Variants in DLG4 observed in about 807,000 individuals in gnomAD.
DLG4 encodes the protein discs large MAGUK scaffold protein 4.
In DLG4, 7 loss-of-function variants were observed where a neutral mutation model predicts 93.8. The ratio of observed to expected loss-of-function variants is 0.07; its 90% CI spans 0.04 to 0.14. The LOEUF (loss-of-function observed/expected upper bound fraction) is 0.14. Among genes scored for constraint, DLG4 ranks in the 10% least tolerant of loss-of-function variants. The pLI, the probability that DLG4 is intolerant of heterozygous loss-of-function variation, is 1.00. For synonymous variants in DLG4, 341 were observed against 387.6 expected (o/e 0.88, Z 1.41); for missense variants, 545 against 992.9 (o/e 0.55, Z 6.06).
chr17:7,188,868 G>T lies in DLG4; in HGVS notation c.*1840C>A, dbSNP rs1234260719. Among the ~76,000 whole-genome samples the T allele has an allele frequency of 2.0e-5, 3 of 151,998 alleles. No individual in the cohort carries two copies. The highest frequency in any genetic ancestry group is 4.4e-5 in the Non-Finnish European group (3 of 67,994). On this transcript the variant is annotated 3_prime_UTR_variant, in exon 20 of 20. Transcript: ENST00000399506. ...GGCTCATGCCTGTAATCTTAACACT[G>T]TGGGAGGCCAAGCTGGGCGGATCAC...
chr17:7,200,007 AAAAG>A (rs904213992), intron 8 of DLG4, among the ~76,000 whole-genome samples: 1 of 151,982 alleles, frequency 6.6e-6, no homozygotes. Flanking sequence ...AAAAGAAAAA[AAAAG>A]ATTTTAAATT....
At chr17:7,204,826 TC>T in intron 2 of DLG4, 1 of 498,572 alleles carries the variant, frequency 2.0e-6, no homozygotes, top group Non-Finnish European at 2.6e-6. Context: ...AATCCGGGGT[TC>T]CCCAGCTGCA....
Position 7,217,258 on chromosome 17 carries a change from G to A in DLG4, c.-111C>T, listed in dbSNP as rs1193847378. The stretch of plus-strand genomic sequence containing the variant: ...CCCCCTCCGCACCCCACTTTTGCAG[G>A]GGGGGCCAGGATGGGGGGAGGGGTG... On this transcript the variant is annotated 5_prime_UTR_variant, in exon 1 of 20. Transcript: ENST00000399506. 8.0e-7 allele frequency: 1 copy of A among 1,253,514 alleles called. No individual in the cohort carries two copies. Among genetic ancestry groups the A allele is most frequent in the Non-Finnish European group, 1.0e-6 (1 of 990,538 alleles). 77.6% of individuals were successfully genotyped at this position (1,253,514 alleles called of 1,614,324 possible).
At position 7,197,058 on chromosome 17, in the gene DLG4, G is replaced by A. The variant is rs1404784285; in HGVS notation, c.788-6C>T. The A allele has an allele frequency of 6.2e-7, 1 of 1,601,960 alleles. No homozygotes were observed. The highest frequency in any genetic ancestry group is 8.5e-7 in the Non-Finnish European group (1 of 1,172,296). On this transcript the variant is annotated splice_polypyrimidine_tract_variant and splice_region_variant and intron_variant, in intron 8 of 19. Transcript: ENST00000399506. ...GTCCAGGTGCTGGGAATAAGCTGAG[G>A]AAGACAGGGCAGAGATGAAAGTGCC...
At position 7,196,352 on chromosome 17, in the gene DLG4, G is replaced by A. The variant is rs372176516; in HGVS notation, c.1187-18C>T. 1 of 1,612,924 alleles carries A rather than the reference G, an allele frequency of 6.2e-7. No homozygotes were observed. Among genetic ancestry groups the A allele is most frequent in the Non-Finnish European group, 8.5e-7 (1 of 1,178,926 alleles). The stretch of plus-strand genomic sequence containing the variant: ...GCTGTACTCTGAGGAAGGACAGGGA[G>A]GTTTCTGAGCTCTGTCCCCATCCTA... On this transcript the variant is annotated intron_variant, in intron 10 of 19. Transcript: ENST00000399506. The surrounding 1 kb of genome is among the most constrained non-coding windows in gnomAD (Gnocchi z 8.3).
chr17:7,202,053 C>T (rs556606569), intron 8 of DLG4, among the ~76,000 whole-genome samples: 40 of 152,272 alleles, frequency 2.6e-4, no homozygotes, highest in African/African-American at 9.6e-4. Flanking sequence ...TGGTGAATTT[C>T]ACCAAATGCC....
intron 8 of DLG4, among the ~76,000 whole-genome samples, chr17:7,201,595 C>T (rs184246936): frequency 2.1e-4 from 32 of 152,176 alleles, no homozygotes; most frequent in African/African-American, 7.7e-4. Context: ...TGTAAGTTAA[C>T]GGAGGCCGGG....
intron 8 of DLG4, among the ~76,000 whole-genome samples, chr17:7,198,607 T>C (rs530256790): frequency 2.7e-5 from 4 of 150,766 alleles, no homozygotes; most frequent in African/African-American, 7.3e-5. Context: ...CCCAGCACTT[T>C]GGGAGGCCGA....
intron 1 of DLG4, among the ~76,000 whole-genome samples, chr17:7,216,395 G>C (rs901936156): frequency 6.6e-6 from 1 of 152,106 alleles, no homozygotes; most frequent in African/African-American, 2.4e-5. Context: ...TCAGGGGCTG[G>C]CAAGCTCGGC....
Position 7,194,254 on chromosome 17 carries a change from A to C in DLG4, c.1478+65T>G, listed in dbSNP as rs1597445763. 2 of 1,538,444 alleles carry C rather than the reference A, an allele frequency of 1.3e-6. No individual in the cohort carries two copies. Among genetic ancestry groups the C allele is most frequent in the Non-Finnish European group, 1.8e-6 (2 of 1,139,772 alleles). On this transcript the variant is annotated intron_variant, in intron 12 of 19. Coordinates refer to ENST00000399506, the MANE Select transcript of DLG4 (RefSeq NM_001321075.3). This position sits in a 1 kb window ranked among gnomAD's most constrained non-coding sequence, Gnocchi z 4.4. ...CAAACCCATCCCCTGTTGGCTGCCC[A>C]CCCCGGGGGACCTTGGGAACTTCAG...
chr17:7,193,792 A>G lies in DLG4; in HGVS notation c.1543+52T>C. On this transcript the variant is annotated intron_variant, in intron 14 of 19. Transcript: ENST00000399506. The surrounding 1 kb of genome is among the most constrained non-coding windows in gnomAD (Gnocchi z 6.7). The stretch of plus-strand genomic sequence containing the variant: ...CCTGTCTCCCCCTTGAGGATATCAA[A>G]AGCAACTCAGTGCTCCTCTCACCCA... 6.2e-6 allele frequency: 10 copies of G among 1,611,922 alleles called. No individual in the cohort carries two copies. Among genetic ancestry groups the G allele is most frequent in the Non-Finnish European group, 7.6e-6 (9 of 1,179,028 alleles).
intron 17 of DLG4, 76 bp downstream of exon 17, chr17:7,192,869 T>G (rs1597441789): frequency 3.5e-6 from 5 of 1,422,976 alleles, no homozygotes; most frequent in East Asian, 2.6e-5. Context: ...AGAGAGAGAG[T>G]TAGAGAAAGC....
At chr17:7,201,008 C>G (rs385313) in intron 8 of DLG4, among the ~76,000 whole-genome samples, 82,709 of 151,550 alleles carry the variant, frequency 0.55, 23,368 homozygotes, top group Middle Eastern at 0.7. Context: ...TACAGGCGCT[C>G]GCCACCACAC....
rs539380571 is a variant in DLG4, at chr17:7,202,534, A to AC, written c.787+368dup. On this transcript the variant is annotated intron_variant, in intron 8 of 19. Transcript: ENST00000399506. The stretch of plus-strand genomic sequence containing the variant: ...CTATTCAGAAGCAAAACGGGTCTAT[A>AC]CTCTCCTTATTTTACACTATCCTTG... Among the ~76,000 whole-genome samples, 28 of 152,160 alleles carry AC rather than the reference A, an allele frequency of 1.8e-4. No homozygotes were observed. The East Asian group carries it at 5.2e-3, about 28-fold the overall frequency.
At chr17:7,217,948 G>A (rs959265793), upstream of DLG4, 8 of 878,018 alleles carry the variant, frequency 9.1e-6, no homozygotes, top group African/African-American at 1.2e-4. Flanking sequence ...GCTGAAGGAG[G>A]CAATCCCTGG....
At chr17:7,214,860 C>G (rs1342021002) in intron 1 of DLG4, among the ~76,000 whole-genome samples, 7 of 152,200 alleles carry the variant, frequency 4.6e-5, no homozygotes, top group Non-Finnish European at 1.0e-4. Context: ...GGAGTTTGCA[C>G]ACAACACAGG....
rs751567285 is a variant in DLG4 at position 7,192,937 on chromosome 17, G to C, written c.1866+8C>G. 1 of 1,608,658 alleles carries C rather than the reference G, an allele frequency of 6.2e-7. No individual in the cohort carries two copies. The highest frequency in any genetic ancestry group is 2.2e-5 in the East Asian group (1 of 44,698). ...AAGGAAGAGGACCGGGTGCCCGCCA[G>C]GTCCTACCTGCTCTGCCACCTCTCG... is the stretch of plus-strand genomic sequence containing the variant. On this transcript the variant is annotated splice_region_variant and intron_variant, in intron 17 of 19. Coordinates refer to ENST00000399506, the MANE Select transcript of DLG4 (RefSeq NM_001321075.3).
chr17:7,190,339 C>T lies in DLG4; in HGVS notation c.*369G>A, dbSNP rs1025223110. The T allele has an allele frequency of 7.0e-6, 2 of 284,760 alleles. No homozygotes were observed. The highest frequency in any genetic ancestry group is 1.5e-4 in the East Asian group (2 of 13,730). The allele number at this position is 284,760 out of a possible 1,614,324, so 17.6% of individuals were successfully genotyped here. The stretch of plus-strand genomic sequence containing the variant: ...TGGCCCTGCATCCCTGCAGCGGGTG[C>T]TCCTCGAGGGGGCCCTGACTTCTGG... On this transcript the variant is annotated 3_prime_UTR_variant, in exon 20 of 20. Transcript: ENST00000399506.
In DLG4 at chr17:7,208,191, C is replaced by A; in HGVS notation, c.79G>T (p.Ala27Ser). Residue 27 changes from alanine (A) to serine (S), a missense_variant, in exon 2 of 20, where the codon GCC becomes TCC. Transcript: ENST00000399506. This position sits in a 1 kb window ranked among gnomAD's most constrained non-coding sequence, Gnocchi z 5.4. ...GCGTTTACCTGGTTGGGGAGGTGGG[C>A]CGGGCTGTGCTCCAGAGGGGGCGTG... is the stretch of plus-strand genomic sequence containing the variant. ...EDTPPLEHSP[A>S]HLPNQANSPP... 7.6e-7 allele frequency: 1 copy of A among 1,314,862 alleles called. No individual in the cohort carries two copies. The highest frequency in any genetic ancestry group is 9.8e-7 in the Non-Finnish European group (1 of 1,022,302). The allele number at this position is 1,314,862 out of a possible 1,614,324, so 81.4% of individuals were successfully genotyped here. A position where few individuals can be genotyped will look rare whatever the true frequency, so the allele number is the denominator to read the frequency against.
Sources: allele counts gnomAD v4.1 joint callset (sites outside exome capture counted in the v4.1 genomes callset), GRCh38; gene constraint gnomAD v4.1.1; non-coding constraint Gnocchi (gnomAD v3.1); transcripts MANE v1.5; gene names NCBI Gene and HGNC (gene_info 2026-07-23, HGNC 2026-07-21).